CEP63: variants seen among roughly 807,000 people sequenced by gnomAD.
CEP63 encodes the protein centrosomal protein 63.
In CEP63, 84 loss-of-function variants were observed where a neutral mutation model predicts 89.1. That is an observed-to-expected ratio of 0.94 (90% CI 0.79 to 1.13). The LOEUF is 1.13. CEP63 is among the 50% of genes most tolerant of loss of function. The pLI is 0.00. For missense variants in CEP63, 838 were observed against 813.3 expected, an observed-to-expected ratio of 1.03 and a Z score of -0.37; for synonymous variants, 267 against 272.5, an observed-to-expected ratio of 0.98 and a Z score of 0.20.
intron 5 of CEP63, among the ~76,000 whole-genome samples, chr3:134,534,498 C>T (rs1577138557): frequency 6.6e-6 from 1 of 152,316 alleles, no homozygotes; most frequent in East Asian, 1.9e-4. Context: ...CACCTTTTTA[C>T]TGCTCCATTA....
At chr3:134,587,795 G>C (rs1449428762), downstream of CEP63, among the ~76,000 whole-genome samples, 8 of 151,246 alleles carry the variant, frequency 5.3e-5, no homozygotes, top group Non-Finnish European at 1.5e-5. Flanking sequence ...GCTACAGACT[G>C]GAGCTGTTCC....
chr3:134,497,683 C>T (rs1940604572), intron 2 of CEP63, among the ~76,000 whole-genome samples: 1 of 152,030 alleles, frequency 6.6e-6, no homozygotes, highest in African/African-American at 2.4e-5. Flanking sequence ...ATGTTTTCTT[C>T]TAGTAGTTTT....
At chr3:134,645,393 A>T in the CEP63 span, among the ~76,000 whole-genome samples, 1 of 152,124 alleles carries the variant, frequency 6.6e-6, no homozygotes, top group Admixed American at 6.5e-5. Flanking sequence ...ATCTGTGTGC[A>T]CTCCACCAGC....
the CEP63 span, among the ~76,000 whole-genome samples, chr3:134,763,057 G>A: frequency 2.6e-5 from 4 of 151,988 alleles, no homozygotes; most frequent in Non-Finnish European, 5.9e-5. Flanking sequence ...AGGAGTAGTG[G>A]CATCATATTT....
the CEP63 span, among the ~76,000 whole-genome samples, chr3:134,596,483 C>T: frequency 6.6e-6 from 1 of 152,158 alleles, no homozygotes; most frequent in Non-Finnish European, 1.5e-5. Context: ...AGGATGTGGC[C>T]CTCCTCTGAG....
At chr3:134,722,236 C>T in the CEP63 span, among the ~76,000 whole-genome samples, 1 of 151,646 alleles carries the variant, frequency 6.6e-6, no homozygotes, top group Non-Finnish European at 1.5e-5. Flanking sequence ...TCATTTCATC[C>T]AAGTTATCTA....
At chr3:134,701,432 G>GTATGTGTA in the CEP63 span, among the ~76,000 whole-genome samples, 1 of 134,040 alleles carries the variant, frequency 7.5e-6, no homozygotes, top group Non-Finnish European at 1.6e-5. Context: ...ACGTATATAT[G>GTATGTGTA]TGTATATATA....
the CEP63 span, among the ~76,000 whole-genome samples, chr3:134,779,160 G>A: frequency 6.6e-6 from 1 of 151,914 alleles, no homozygotes; most frequent in Admixed American, 6.6e-5. Context: ...TTTTTCTATG[G>A]TAAATATATG....
At chr3:134,493,131 T>C (rs1938331831) in intron 1 of CEP63, among the ~76,000 whole-genome samples, 1 of 152,310 alleles carries the variant, frequency 6.6e-6, no homozygotes, top group Admixed American at 6.5e-5. Flanking sequence ...GTGATAGCAC[T>C]GTCAATAAGA....
the CEP63 span, chr3:134,647,395 G>A: frequency 6.4e-6 from 9 of 1,402,028 alleles, no homozygotes; most frequent in African/African-American, 1.3e-4. Flanking sequence ...ATTATTCAAT[G>A]TATTAAATCC....
chr3:134,496,968 A>G (rs1044208925), intron 2 of CEP63, among the ~76,000 whole-genome samples: 6 of 152,080 alleles, frequency 3.9e-5, no homozygotes, highest in East Asian at 1.9e-4. Context: ...TAATCATTCT[A>G]ACTGGGGTGA....
chr3:134,635,845 C>G, the CEP63 span, among the ~76,000 whole-genome samples: 1 of 152,124 alleles, frequency 6.6e-6, no homozygotes, highest in Non-Finnish European at 1.5e-5. Flanking sequence ...AAGTGAAACT[C>G]CTTTAAGACT....
intron 10 of CEP63, among the ~76,000 whole-genome samples, chr3:134,582,465 T>C (rs1350137659): frequency 6.6e-6 from 1 of 152,156 alleles, no homozygotes; most frequent in Non-Finnish European, 1.5e-5. Flanking sequence ...TTGCTGAGAA[T>C]GATGGTTTCC....
At chr3:134,507,657 C>T (rs1331448480) in intron 3 of CEP63, among the ~76,000 whole-genome samples, 1 of 151,498 alleles carries the variant, frequency 6.6e-6, no homozygotes, top group South Asian at 2.1e-4. Context: ...AAAGAAGTTC[C>T]AGATTAAAGA....
chr3:134,682,090 A>G, the CEP63 span, among the ~76,000 whole-genome samples: 1 of 152,310 alleles, frequency 6.6e-6, no homozygotes, highest in East Asian at 1.9e-4. Context: ...TGAGTGGCTA[A>G]GCCTCTGGGA....
the CEP63 span, among the ~76,000 whole-genome samples, chr3:134,729,202 C>T: frequency 6.6e-6 from 1 of 152,082 alleles, no homozygotes; most frequent in Non-Finnish European, 1.5e-5. Flanking sequence ...ATTTCCAGAC[C>T]TGCCCTAAAC....
chr3:134,640,907 G>A, the CEP63 span, among the ~76,000 whole-genome samples: 3 of 152,106 alleles, frequency 2.0e-5, no homozygotes, highest in Non-Finnish European at 4.4e-5. Context: ...CTACGCATTG[G>A]ATGTCTACAA....
chr3:134,579,978 C>A (rs904290962), downstream of CEP63, among the ~76,000 whole-genome samples: 3 of 152,022 alleles, frequency 2.0e-5, no homozygotes, highest in Non-Finnish European at 4.4e-5. Flanking sequence ...GGTGGATCAC[C>A]TGAGGTCAGG....
At chr3:134,742,704 T>C in the CEP63 span, among the ~76,000 whole-genome samples, 1 of 152,202 alleles carries the variant, frequency 6.6e-6, no homozygotes, top group Non-Finnish European at 1.5e-5. Context: ...AAGAAGTGAC[T>C]AGGATATGAA....
Sources: gnomAD v4.1 joint callset for allele counts (sites outside exome capture counted in the v4.1 genomes callset) on GRCh38, gnomAD v4.1.1 for gene constraint, MANE v1.5 for transcripts, NCBI Gene and HGNC (gene_info 2026-07-23, HGNC 2026-07-21) for gene names.